The following ADGRL2 variants were observed in gnomAD, a reference collection of about 807,000 sequenced individuals.
The protein encoded by ADGRL2 is adhesion G protein-coupled receptor L2.
ADGRL2 carries 44 observed loss-of-function variants against 157.4 expected under a neutral mutation model. The ratio of observed to expected loss-of-function variants is 0.28; its 90% CI spans 0.22 to 0.36. The LOEUF (loss-of-function observed/expected upper bound fraction) is 0.36, where lower values mean the gene tolerates loss of function less well. Ranked by LOEUF, ADGRL2 falls within the 10% of genes least tolerant of loss-of-function variation. The pLI, the probability that ADGRL2 is intolerant of heterozygous loss-of-function variation, is 1.00. For missense variants in ADGRL2, 1,510 were observed against 1,768.9 expected (o/e 0.85, Z 2.63); for synonymous variants, 585 against 624.7 (o/e 0.94, Z 0.95).
At chr1:81,327,623 G>C (rs985788996) in intron 1 of ADGRL2, among the ~76,000 whole-genome samples, 5 of 151,854 alleles carry the variant, frequency 3.3e-5, no homozygotes, top group Non-Finnish European at 7.4e-5. Context: ...ACTTTAATAA[G>C]GTTTATTAAT....
At chr1:81,912,553 CAT>C (rs1381536441) in intron 3 of ADGRL2, among the ~76,000 whole-genome samples, 1 of 151,914 alleles carries the variant, frequency 6.6e-6, no homozygotes, top group Non-Finnish European at 1.5e-5. Context: ...CAAATGTAAA[CAT>C]AAAGTTGAAT....
chr1:81,642,283 T>G (rs11163347), intron 3 of ADGRL2, among the ~76,000 whole-genome samples: 1 of 147,152 alleles, frequency 6.8e-6, no homozygotes, highest in African/African-American at 2.5e-5. Flanking sequence ...AGCCAGGCAT[T>G]GTGGTGCATG....
At chr1:81,823,035 CT>C (rs980607149) in intron 1 of ADGRL2, among the ~76,000 whole-genome samples, 1 of 151,594 alleles carries the variant, frequency 6.6e-6, no homozygotes, top group Non-Finnish European at 1.5e-5. Context: ...GATTGACACT[CT>C]TTAATATTTA....
At chr1:81,566,107 A>G (rs187566820) in intron 2 of ADGRL2, among the ~76,000 whole-genome samples, 1 of 152,322 alleles carries the variant, frequency 6.6e-6, no homozygotes. Context: ...ATATCTATAA[A>G]TTCAAACAAA....
At chr1:81,958,728 A>G (rs1342172184) in intron 11 of ADGRL2, among the ~76,000 whole-genome samples, 1 of 152,290 alleles carries the variant, frequency 6.6e-6, no homozygotes, top group East Asian at 1.9e-4. Flanking sequence ...GATCATCAGC[A>G]TGGTGATATT....
chr1:81,747,177 A>G (rs577701083), intron 1 of ADGRL2, among the ~76,000 whole-genome samples: 4 of 136,838 alleles, frequency 2.9e-5, no homozygotes, highest in African/African-American at 7.9e-5. Context: ...GTATATATAC[A>G]TATATGTATG....
chr1:81,430,321 G>C (rs1396693787), intron 1 of ADGRL2, among the ~76,000 whole-genome samples: 2 of 152,226 alleles, frequency 1.3e-5, no homozygotes, highest in East Asian at 3.9e-4. Flanking sequence ...TGCAGAAGGG[G>C]AAGGTTTGTC....
chr1:81,914,774 G>A (rs868842285), intron 3 of ADGRL2, among the ~76,000 whole-genome samples: 1 of 151,998 alleles, frequency 6.6e-6, no homozygotes, highest in Non-Finnish European at 1.5e-5. Context: ...ACATCTCTGT[G>A]GCCAGTCTAC....
In ADGRL2 at chr1:81,951,064, T is replaced by G; in HGVS notation, c.1551T>G (p.Pro517=). The G allele has an allele frequency of 6.2e-7, 1 of 1,613,618 alleles. No homozygotes were observed. The highest frequency in any genetic ancestry group is 8.5e-7 in the Non-Finnish European group (1 of 1,179,604). Reference sequence around the variant, plus strand: ...TGATTTCCACTGGAACATGGAACCCTAAGGGCCCCGATCTTAGCAACTGTA... The same window carrying G: ...TGATTTCCACTGGAACATGGAACCCGAAGGGCCCCGATCTTAGCAACTGTA... The part of the protein sequence containing the change: ...LCMISTGTWN[P]KGPDLSNCTS... Residue 517 remains proline, a synonymous_variant, in exon 8 of 24, where the codon CCT becomes CCG. Coordinates refer to ENST00000686636, the MANE Select transcript of ADGRL2 (RefSeq NM_001366006.2).
chr1:81,948,000 C>T (rs1490096438), intron 6 of ADGRL2, among the ~76,000 whole-genome samples: 4 of 152,088 alleles, frequency 2.6e-5, no homozygotes, highest in African/African-American at 4.8e-5. Flanking sequence ...GGGCGGATCA[C>T]GAGGTCAGGA....
intron 4 of ADGRL2, among the ~76,000 whole-genome samples, chr1:81,938,831 T>A (rs896382922): frequency 4.6e-5 from 7 of 151,598 alleles, no homozygotes; most frequent in Admixed American, 3.3e-4. Flanking sequence ...CTTTTTCCCA[T>A]TTTCCTCACC....
chr1:81,651,739 G>GTGTT (rs1451686099), intron 3 of ADGRL2, among the ~76,000 whole-genome samples: 2 of 152,108 alleles, frequency 1.3e-5, no homozygotes, highest in African/African-American at 4.8e-5. Context: ...TTGTTTGTTT[G>GTGTT]TGTTTGTTTT....
At chr1:81,839,962 A>G (rs999579792) in intron 2 of ADGRL2, among the ~76,000 whole-genome samples, 4 of 148,090 alleles carry the variant, frequency 2.7e-5, no homozygotes, top group Non-Finnish European at 5.9e-5. Context: ...ATAAATACAC[A>G]CAACACACAC....
intron 1 of ADGRL2, among the ~76,000 whole-genome samples, chr1:81,362,573 A>G (rs1360630306): frequency 6.6e-6 from 1 of 152,030 alleles, no homozygotes; most frequent in African/African-American, 2.4e-5. Context: ...TTTCAAAAAT[A>G]TAAGGTATAT....
intron 3 of ADGRL2, among the ~76,000 whole-genome samples, chr1:81,681,466 G>A (rs989547056): frequency 3.3e-5 from 5 of 152,288 alleles, no homozygotes; most frequent in Admixed American, 2.0e-4. Context: ...ATAAAGTCCC[G>A]GTGTATTTCC....
intron 1 of ADGRL2, among the ~76,000 whole-genome samples, chr1:81,312,686 G>A (rs1262995934): frequency 4.6e-5 from 7 of 152,160 alleles, no homozygotes; most frequent in Admixed American, 4.6e-4. Context: ...CTTTTGATTA[G>A]CAAGTGAAAA....
At chr1:81,854,871 G>C (rs917962671) in intron 2 of ADGRL2, among the ~76,000 whole-genome samples, 3 of 152,070 alleles carry the variant, frequency 2.0e-5, no homozygotes, top group Non-Finnish European at 4.4e-5. Context: ...GAAGGTGAGG[G>C]GTGACAAAAG....
chr1:81,322,091 T>TATATATATATATATATATACAC (rs1660545228), intron 1 of ADGRL2, among the ~76,000 whole-genome samples: 9 of 98,308 alleles, frequency 9.2e-5, no homozygotes, highest in Non-Finnish European at 1.6e-4. Context: ...CTAATTCATA[T>TATATATATATATATATATACAC]ATATATATAT....
In ADGRL2 at chr1:81,434,463, A is replaced by G. The variant is rs551523779; in HGVS notation, c.-301-10573A>G. ...ACCCAAATGTAAACTTCATTACCATAGGAACTGCTCTTCTAGGGCCTAGAA... is the reference window on the plus strand; with the variant it reads ...ACCCAAATGTAAACTTCATTACCATGGGAACTGCTCTTCTAGGGCCTAGAA... On this transcript the variant is annotated intron_variant, in intron 1 of 24. Transcript: ENST00000370721. Among the ~76,000 whole-genome samples, 10 of 152,212 alleles carry G rather than the reference A, an allele frequency of 6.6e-5. No homozygotes were observed. The South Asian group carries it at 1.2e-3, about 19-fold the overall frequency.
Sources: allele counts gnomAD v4.1 joint callset (sites outside exome capture counted in the v4.1 genomes callset), GRCh38; gene constraint gnomAD v4.1.1; transcripts MANE v1.5; gene names NCBI Gene and HGNC (gene_info 2026-07-23, HGNC 2026-07-21).